Variants in THADA observed in about 807,000 individuals in gnomAD.
THADA encodes the protein THADA armadillo repeat containing, also known as tRNA (32-2'-O)-methyltransferase regulator THADA.
Under a neutral mutation model 219.8 loss-of-function variants are expected in THADA, and 213 were observed. That is an observed-to-expected ratio of 0.97 (90% CI 0.87 to 1.09). The LOEUF (loss-of-function observed/expected upper bound fraction) is 1.09, where lower values mean the gene tolerates loss of function less well. THADA is among the 50% of genes least tolerant of loss of function. The pLI is 0.00. For missense variants in THADA, 2,956 were observed against 2,311.3 expected (o/e 1.28, Z -5.72); for synonymous variants, 1,018 against 828.9 (o/e 1.23, Z -3.92).
chr2:43,585,243 G>T (rs1041614855), intron 7 of THADA, among the ~76,000 whole-genome samples: 2 of 151,228 alleles, frequency 1.3e-5, no homozygotes, highest in African/African-American at 4.9e-5. Flanking sequence ...GGGCACAGTG[G>T]CTCACACCTA....
chr2:43,418,110 C>T (rs1677227597), intron 28 of THADA, among the ~76,000 whole-genome samples: 3 of 152,106 alleles, frequency 2.0e-5, no homozygotes, highest in East Asian at 1.9e-4. Context: ...GTTTCTAGTG[C>T]CTGAAACATA....
chr2:43,286,779 G>T, intron 35 of THADA, 129 bp downstream of exon 35: 2 of 1,036,228 alleles, frequency 1.9e-6, no homozygotes, highest in Non-Finnish European at 1.4e-6. Flanking sequence ...AAGACGGTAG[G>T]AATATAACTG....
intron 4 of THADA, among the ~76,000 whole-genome samples, chr2:43,589,330 GAACC>G (rs1701313488): frequency 6.6e-6 from 1 of 152,162 alleles, no homozygotes; most frequent in Non-Finnish European, 1.5e-5. Flanking sequence ...TAACAGGGAT[GAACC>G]TTAAGGACAT....
intron 7 of THADA, among the ~76,000 whole-genome samples, chr2:43,583,701 A>G (rs1700697924): frequency 1.3e-5 from 2 of 152,344 alleles, no homozygotes; most frequent in South Asian, 2.1e-4. Flanking sequence ...TGGTCTAAAC[A>G]TACAATGGGA....
chr2:43,458,878 T>G (rs1683313297), intron 26 of THADA, among the ~76,000 whole-genome samples: 1 of 152,176 alleles, frequency 6.6e-6, no homozygotes, highest in Non-Finnish European at 1.5e-5. Flanking sequence ...TGACATGTAA[T>G]ATGCTTTTTA....
chr2:43,330,014 T>A (rs889237979), intron 30 of THADA, among the ~76,000 whole-genome samples: 1 of 152,210 alleles, frequency 6.6e-6, no homozygotes, highest in Non-Finnish European at 1.5e-5. Context: ...GCTTCCCACT[T>A]TACAGATGAA....
chr2:43,302,253 G>C (rs1255339517), intron 31 of THADA, among the ~76,000 whole-genome samples: 1 of 152,006 alleles, frequency 6.6e-6, no homozygotes, highest in Non-Finnish European at 1.5e-5. Flanking sequence ...TTGAGTGAAA[G>C]AATCAAGTCC....
rs368673044 is a variant in THADA at position 43,411,745 on chromosome 2, C to T, written c.4059-13606G>A. ...TACCCTGCCACTAATTAAAAATATACTAGTGTTACAAGTATACAGTTTCAA... is the reference window on the plus strand; with the variant it reads ...TACCCTGCCACTAATTAAAAATATATTAGTGTTACAAGTATACAGTTTCAA... On this transcript the variant is annotated intron_variant, in intron 28 of 37. Transcript: ENST00000405975. Among the ~76,000 whole-genome samples, 13 of 152,216 alleles carry T rather than the reference C, an allele frequency of 8.5e-5. No homozygotes were observed. The East Asian group carries it at 1.7e-3, about 20-fold the overall frequency.
At chr2:43,545,150 C>T (rs903387272) in intron 20 of THADA, among the ~76,000 whole-genome samples, 6 of 151,910 alleles carry the variant, frequency 3.9e-5, no homozygotes, top group African/African-American at 1.2e-4. Context: ...TTTTGTCTTT[C>T]GTTCTGTTTA....
At chr2:43,397,308 A>G (rs2104712532) in intron 29 of THADA, among the ~76,000 whole-genome samples, 1 of 152,326 alleles carries the variant, frequency 6.6e-6, no homozygotes, top group Non-Finnish European at 1.5e-5. Context: ...GCACTATAGC[A>G]GCCATTTGAA....
chr2:43,265,750 C>T (rs1267746503), intron 36 of THADA, among the ~76,000 whole-genome samples: 2 of 152,256 alleles, frequency 1.3e-5, no homozygotes, highest in Non-Finnish European at 2.9e-5. Context: ...CAAACACAAA[C>T]CGAATCTCTT....
chr2:43,427,155 T>G (rs528126663), intron 28 of THADA, among the ~76,000 whole-genome samples: 35 of 152,236 alleles, frequency 2.3e-4, no homozygotes, highest in Admixed American at 7.2e-4. Context: ...GCATTACCAT[T>G]TACATGCCAC....
At chr2:43,373,928 T>G (rs1671083274) in intron 29 of THADA, among the ~76,000 whole-genome samples, 1 of 152,238 alleles carries the variant, frequency 6.6e-6, no homozygotes, top group Admixed American at 6.5e-5. Context: ...GCATGTTCAT[T>G]TTATATTTGC....
At chr2:43,486,203 C>A (rs1301374426) in intron 25 of THADA, among the ~76,000 whole-genome samples, 2 of 152,028 alleles carry the variant, frequency 1.3e-5, no homozygotes, top group African/African-American at 4.8e-5. Flanking sequence ...AAGTAACTTA[C>A]CAAGTAATTT....
chr2:43,505,926 C>T (rs1689617661), intron 23 of THADA, among the ~76,000 whole-genome samples, 191 bp from the exon 24 acceptor site: 1 of 152,174 alleles, frequency 6.6e-6, no homozygotes, highest in Admixed American at 6.5e-5. Context: ...TTCTTCATCG[C>T]TAAATTTAGG....
At chr2:43,330,266 A>G (rs1434031866) in intron 30 of THADA, among the ~76,000 whole-genome samples, 2 of 152,178 alleles carry the variant, frequency 1.3e-5, no homozygotes, top group East Asian at 3.8e-4. Flanking sequence ...TCCTAGAGTG[A>G]GCCCCTGAGC....
intron 30 of THADA, among the ~76,000 whole-genome samples, chr2:43,322,455 G>C (rs1336311302): frequency 6.6e-6 from 1 of 151,658 alleles, no homozygotes; most frequent in African/African-American, 2.4e-5. Flanking sequence ...AGTGAGCTGA[G>C]ATCATGCCAC....
intron 36 of THADA, among the ~76,000 whole-genome samples, chr2:43,275,971 C>T (rs1038038320): frequency 1.3e-5 from 2 of 152,170 alleles, no homozygotes; most frequent in Non-Finnish European, 2.9e-5. Context: ...TCTGAGTGGC[C>T]GCTTGGTGGA....
At chr2:43,347,009 C>T (rs949029642) in intron 29 of THADA, among the ~76,000 whole-genome samples, 3 of 152,050 alleles carry the variant, frequency 2.0e-5, no homozygotes, top group African/African-American at 4.8e-5. Flanking sequence ...ATCGTAGTGC[C>T]GACTTCTGTG....
Sources: allele counts gnomAD v4.1 joint callset (sites outside exome capture counted in the v4.1 genomes callset), GRCh38; gene constraint gnomAD v4.1.1; transcripts MANE v1.5; gene names NCBI Gene and HGNC (gene_info 2026-07-23, HGNC 2026-07-21).